EDC3: variants seen among roughly 807,000 people sequenced by gnomAD.
EDC3 encodes enhancer of mRNA decapping 3.
A neutral mutation model predicts 41.8 loss-of-function variants in EDC3; 20 were observed. The ratio of observed to expected loss-of-function variants is 0.48; its 90% CI spans 0.34 to 0.70. The LOEUF (loss-of-function observed/expected upper bound fraction) is 0.70, where lower values mean the gene tolerates loss of function less well. EDC3 is among the 30% of genes least tolerant of loss of function. The pLI is 0.01. For synonymous variants in EDC3, 206 were observed against 243.2 expected (o/e 0.85, Z 1.42); for missense variants, 444 against 636.8 (o/e 0.70, Z 3.26).
intron 2 of EDC3, among the ~76,000 whole-genome samples, chr15:74,672,918 A>G (rs2062755989): frequency 2.0e-5 from 3 of 152,028 alleles, no homozygotes; most frequent in Admixed American, 2.0e-4. Flanking sequence ...TCTGGTGGAG[A>G]TGAATGCAAT....
At chr15:74,672,258 G>C (rs2062747971) in intron 2 of EDC3, among the ~76,000 whole-genome samples, 1 of 111,242 alleles carries the variant, frequency 9.0e-6, no homozygotes, top group Non-Finnish European at 1.8e-5. Flanking sequence ...GACAGAGCGA[G>C]ACTCTGTCTC....
intron 4 of EDC3, chr15:74,644,993 C>G (rs1313012686): frequency 6.6e-6 from 1 of 152,052 alleles, no homozygotes; most frequent in African/African-American, 2.4e-5. Context: ...AAGACACAGC[C>G]CTACCAAAAT....
Position 74,656,043 on chromosome 15 carries a change from A to ACTC in EDC3, c.509_510insGAG (p.Asn170delinsLysSer). On this transcript the variant is annotated protein_altering_variant, in exon 4 of 7. Transcript: ENST00000315127. ...AACCACTTTTCTTGGGAGTTGCCTG[A>ACTC]TTTGGGTGCCTGCTACTAGATGACC... 6.2e-7 allele frequency: 1 copy of ACTC among 1,612,040 alleles called. No individual in the cohort carries two copies. The highest frequency in any genetic ancestry group is 8.5e-7 in the Non-Finnish European group (1 of 1,178,736).
chr15:74,635,678 G>A (rs1172586814), intron 5 of EDC3, 52 bp from the exon 6 acceptor site: 1 of 1,523,488 alleles, frequency 6.6e-7, no homozygotes, highest in Admixed American at 1.7e-5. Flanking sequence ...CCAATCCCTT[G>A]CACCCTATAC....
At chr15:74,642,224 G>T (rs1004501408) in intron 4 of EDC3, 1 of 152,186 alleles carries the variant, frequency 6.6e-6, no homozygotes, top group Non-Finnish European at 1.5e-5. Flanking sequence ...AAGGTCTAAC[G>T]TATCAAATAA....
rs1219182934 is a variant in EDC3, at chr15:74,632,729, G to A, written c.1410C>T (p.His470=). 28 of 1,613,984 alleles carry A rather than the reference G, an allele frequency of 1.7e-5. No homozygotes were observed. In the East Asian group the frequency reaches 3.8e-4, roughly 22 times the overall value. ...TGTCGCACAAATAGATACGGCCTGC[G>A]TGCTCCCCCAGTGGCAGAGGCAGGC... ...ALGLPLPLGE[H]AGRIYLCDIG... The change falls in exon 7 of 7, where the codon CAC becomes CAT. Residue 470 remains histidine (H), a synonymous_variant. Coordinates refer to ENST00000315127, the MANE Select transcript of EDC3 (RefSeq NM_025083.5). The surrounding 1 kb of genome is among the most constrained non-coding windows in gnomAD (Gnocchi z 4.0).
intron 1 of EDC3, 95 bp from the exon 2 acceptor site, chr15:74,675,237 T>C: frequency 8.6e-7 from 1 of 1,166,448 alleles, no homozygotes; most frequent in South Asian, 1.7e-5. Context: ...CAAGTGTTGG[T>C]TAATAAAACA....
At chr15:74,640,236 G>T in intron 5 of EDC3, 1 of 514,014 alleles carries the variant, frequency 1.9e-6, no homozygotes, top group Non-Finnish European at 3.4e-6. Context: ...TATCAGGAGA[G>T]AGTCAAAAGG....
chr15:74,635,514 G>A lies in EDC3; in HGVS notation c.1087C>T (p.Gln363Ter). Residue 363 changes from glutamine (Q) to a stop codon, truncating the protein, a stop_gained, in exon 6 of 7, where the codon CAG (glutamine) becomes TAG (stop). Coordinates refer to ENST00000315127, the MANE Select transcript of EDC3 (RefSeq NM_025083.5). LOFTEE classifies it high-confidence loss of function. ...AAATTGGGCAGGAAAAGGATGACCT[G>A]GACATCATGGTTGGCTAGGTGCCTT... ...CGRHLANHDV[Q>*]VILFLPNFVK... The A allele has an allele frequency of 6.2e-7, 1 of 1,614,250 alleles. No individual in the cohort carries two copies. The highest frequency in any genetic ancestry group is 8.5e-7 in the Non-Finnish European group (1 of 1,180,032).
chr15:74,681,421 A>G (rs955294470), intron 1 of EDC3, among the ~76,000 whole-genome samples: 2 of 152,204 alleles, frequency 1.3e-5, no homozygotes, highest in African/African-American at 4.8e-5. Context: ...AAAGTGCTGG[A>G]TTACAGGCGT....
chr15:74,664,721 T>C (rs1168398633), intron 3 of EDC3, among the ~76,000 whole-genome samples: 2 of 152,168 alleles, frequency 1.3e-5, no homozygotes, highest in African/African-American at 4.8e-5. Context: ...CTATTAGATA[T>C]ATGAAGCACA....
At chr15:74,648,224 C>CA (rs1409673028) in intron 4 of EDC3, among the ~76,000 whole-genome samples, 2 of 152,106 alleles carry the variant, frequency 1.3e-5, no homozygotes, top group Non-Finnish European at 2.9e-5. Context: ...AACACACATG[C>CA]AAAAAAATCA....
chr15:74,657,326 T>C (rs2141618502), intron 3 of EDC3, among the ~76,000 whole-genome samples: 1 of 152,344 alleles, frequency 6.6e-6, no homozygotes, highest in South Asian at 2.1e-4. Flanking sequence ...TTCTGGCTCC[T>C]GCACCGGCTC....
chr15:74,638,068 C>G (rs1338060551), intron 5 of EDC3: 2 of 152,254 alleles, frequency 1.3e-5, no homozygotes, highest in Non-Finnish European at 2.9e-5. Context: ...CTCAGCACTA[C>G]CATTGCCGGC....
At chr15:74,655,658 A>C in intron 4 of EDC3, 75 bp downstream of exon 4, 2 of 1,423,014 alleles carry the variant, frequency 1.4e-6, no homozygotes, top group Non-Finnish European at 1.9e-6. Flanking sequence ...CTGACTCAGA[A>C]GCCAGGTCTT....
intron 4 of EDC3, chr15:74,641,639 G>C (rs1428341002): frequency 6.5e-6 from 1 of 152,718 alleles, no homozygotes; most frequent in Non-Finnish European, 1.5e-5. Flanking sequence ...TCACCGGCCA[G>C]TGGACCAACC....
rs138430701 is a variant in EDC3, at chr15:74,647,507, A to C, written c.821-6888T>G. 1.2e-4 allele frequency among the ~76,000 whole-genome samples: 18 copies of C among 152,274 alleles called. No individual in the cohort carries two copies. In the East Asian group the frequency reaches 3.5e-3, roughly 29 times the overall value. On this transcript the variant is annotated intron_variant, in intron 4 of 6. Transcript: ENST00000315127. Reference sequence around the variant, plus strand: ...TGGTTTGAGCTTAAACTCTTGGAAAACATGTAAGAAGCACAATGGTTCATT... The same window carrying C: ...TGGTTTGAGCTTAAACTCTTGGAAACCATGTAAGAAGCACAATGGTTCATT...
intron 1 of EDC3, among the ~76,000 whole-genome samples, chr15:74,689,751 C>T (rs2062982668): frequency 1.3e-5 from 2 of 151,978 alleles, no homozygotes; most frequent in South Asian, 4.1e-4. Context: ...GTCTCGATCT[C>T]CTGACCTCAT....
Position 74,655,736 on chromosome 15 carries a change from T to C in EDC3, c.817A>G (p.Thr273Ala). 1 of 1,608,084 alleles carries C rather than the reference T, an allele frequency of 6.2e-7. No homozygotes were observed. The highest frequency in any genetic ancestry group is 8.5e-7 in the Non-Finnish European group (1 of 1,175,202). ...VPHNVSKEFCTDSGLVVPSIS... is the reference protein window; with the variant it reads ...VPHNVSKEFCADSGLVVPSIS... ...TGTGGGACCTGATGCAACTCACCCG[T>C]GCAGAACTCCTTGCTCACGTTGTGG... Residue 273 changes from threonine to alanine, a missense_variant, in exon 4 of 7, where the codon ACG becomes GCG. This residue lies in a region of EDC3 where 242 missense variants were observed against 363.8 expected (regional missense o/e 0.67). Coordinates refer to ENST00000315127, the MANE Select transcript of EDC3 (RefSeq NM_025083.5).
Sources: gnomAD v4.1 joint callset for allele counts (sites outside exome capture counted in the v4.1 genomes callset) on GRCh38, gnomAD v4.1.1 for gene constraint, gnomAD v4.1.1 regional missense constraint, Gnocchi (gnomAD v3.1) non-coding constraint, MANE v1.5 for transcripts, NCBI Gene and HGNC (gene_info 2026-07-23, HGNC 2026-07-21) for gene names.